Variants in ACTR8 observed in about 807,000 individuals in gnomAD.
ACTR8 encodes actin related protein 8, also known as actin-related protein 8.
Under a neutral mutation model 84.3 loss-of-function variants are expected in ACTR8, and 70 were observed. That is an observed-to-expected ratio of 0.83 (90% confidence interval 0.68 to 1.01). The LOEUF is 1.01. Among genes scored for constraint, ACTR8 ranks in the 50% least tolerant of loss-of-function variants. The probability of loss-of-function intolerance (pLI) is 0.00; values close to 1 mark genes in which losing one functional copy is unlikely to be tolerated. For missense variants in ACTR8, 672 were observed against 775.4 expected (o/e 0.87, Z 1.58); for synonymous variants, 268 against 275.2 (o/e 0.97, Z 0.26).
At chr3:53,865,356 T>C, downstream of ACTR8, 2 of 1,448,980 alleles carry the variant, frequency 1.4e-6, no homozygotes, top group East Asian at 2.3e-5. Context: ...ATCCCACCAA[T>C]TACAGGGAAA....
chr3:53,879,963 A>C lies in ACTR8; in HGVS notation c.270T>G (p.Ser90Arg). 1.2e-6 allele frequency: 2 copies of C among 1,613,574 alleles called. No individual in the cohort carries two copies. Among genetic ancestry groups the C allele is most frequent in the Non-Finnish European group, 1.7e-6 (2 of 1,179,582 alleles). The change falls in exon 2 of 13, where the codon AGT becomes AGG. Residue 90 changes from serine to arginine, a missense_variant. Ser to Arg is a moderately radical substitution (Grantham distance 110). Transcript: ENST00000335754. ...CATTTAGTCCCTCCCTTAGGAGCCA[A>C]CTGTCCTTGTATAGGGGCTGCCCTT... ...KQQGQPLYKDSWLLREGLNKP... is the reference protein window; with the variant it reads ...KQQGQPLYKDRWLLREGLNKP...
chr3:53,877,266 A>G lies in ACTR8; in HGVS notation c.632T>C (p.Ile211Thr). The change falls in exon 5 of 13, where the codon ATA becomes ACA. Residue 211 changes from isoleucine to threonine, a missense_variant. By Grantham distance (89) the Ile-to-Thr change is moderately conservative. Transcript: ENST00000335754. Reference protein sequence around the residue: ...LTAVLADIEVIWSHAIQKYLE... With the variant: ...LTAVLADIEVTWSHAIQKYLE... ...GTATTTTTGTATCGCATGAGACCAT[A>G]TTACTTCAATATCTGCCAGAACAGC... is the stretch of plus-strand genomic sequence containing the variant. The G allele has an allele frequency of 6.2e-7, 1 of 1,613,836 alleles. No homozygotes were observed. The highest frequency in any genetic ancestry group is 8.5e-7 in the Non-Finnish European group (1 of 1,179,920).
At position 53,874,015 on chromosome 3, in the gene ACTR8, G is replaced by A. The variant is rs188882066; in HGVS notation, c.1065+196C>T. On this transcript the variant is annotated intron_variant, in intron 8 of 12. Transcript: ENST00000335754. Reference sequence around the variant, plus strand: ...AATTTTTTGTATTTTTATTAGAGACGGAGTTTCACCGTGTTAGCCAGGATG... The same window carrying A: ...AATTTTTTGTATTTTTATTAGAGACAGAGTTTCACCGTGTTAGCCAGGATG... 2.2e-3 allele frequency among the ~76,000 whole-genome samples: 330 copies of A among 152,092 alleles called. 2 individuals carry two copies. The highest frequency in any genetic ancestry group is 3.9e-3 in the Non-Finnish European group (263 of 67,996).
chr3:53,865,872 AAACT>A (rs762575238), downstream of ACTR8: 1 of 152,258 alleles, frequency 6.6e-6, no homozygotes, highest in Non-Finnish European at 1.5e-5. Context: ...TTCCCTCTAC[AAACT>A]AGATTCATAT....
rs150243882 is a variant in ACTR8 at position 53,878,065 on chromosome 3, A to G, written c.405+292T>C. ...CATTCCTATCATATTGGTTTATCAT[A>G]TGAAATTGAAGAATGTAGTAAGAAC... On this transcript the variant is annotated intron_variant, in intron 3 of 12. Transcript: ENST00000335754. Among the ~76,000 whole-genome samples, 363 of 152,318 alleles carry G rather than the reference A, an allele frequency of 2.4e-3. 1 individual carries two copies. The highest frequency in any genetic ancestry group is 8.4e-3 in the African/African-American group (350 of 41,566).
At chr3:53,873,203 CCAT>C (rs1190894013) in intron 8 of ACTR8, 76 bp from the exon 9 acceptor site, 3 of 1,167,014 alleles carry the variant, frequency 2.6e-6, no homozygotes, top group African/African-American at 1.5e-5. Flanking sequence ...TTCAGCCTCA[CCAT>C]CATCTAAATA....
chr3:53,870,777 C>A lies in ACTR8; in HGVS notation c.1567+455G>T, dbSNP rs1576861097. Among the ~76,000 whole-genome samples the A allele has an allele frequency of 6.6e-6, 1 of 152,190 alleles. No homozygotes were observed. Among genetic ancestry groups the A allele is most frequent in the Admixed American group, 6.5e-5 (1 of 15,286 alleles). On this transcript the variant is annotated intron_variant, in intron 11 of 12. Transcript: ENST00000335754. The surrounding 1 kb of genome is among the most constrained non-coding windows in gnomAD (Gnocchi z 4.1). ...GGTCTTCACAGGCTTCTTCCTCTAC[C>A]CCATCTGTGACTGCTAACTGACCCC...
At chr3:53,869,661 A>ATT (rs1331950125) in intron 12 of ACTR8, among the ~76,000 whole-genome samples, 1 of 152,222 alleles carries the variant, frequency 6.6e-6, no homozygotes, top group Non-Finnish European at 1.5e-5. Context: ...TAATATAAAA[A>ATT]AGAGATTAAA....
downstream of ACTR8, chr3:53,864,753 CAAG>C: frequency 1.2e-6 from 2 of 1,605,020 alleles, no homozygotes; most frequent in Non-Finnish European, 1.7e-6. Context: ...CAGAAAGGAT[CAAG>C]AAGACTTCCT....
chr3:53,862,406 G>C (rs1373618910), downstream of ACTR8, among the ~76,000 whole-genome samples: 1 of 152,210 alleles, frequency 6.6e-6, no homozygotes, highest in Non-Finnish European at 1.5e-5. Flanking sequence ...CATTGTGACA[G>C]AGCAAGCCAT....
downstream of ACTR8, chr3:53,865,042 C>A (rs188917846): frequency 6.2e-7 from 1 of 1,614,184 alleles, no homozygotes; most frequent in South Asian, 1.1e-5. Context: ...CGAGGGCAGT[C>A]CCAGTGAGAA....
Position 53,877,262 on chromosome 3 carries a change from C to G in ACTR8, c.636G>C (p.Trp212Cys), listed in dbSNP as rs1487945719. 1 of 1,613,416 alleles carries G rather than the reference C, an allele frequency of 6.2e-7. No individual in the cohort carries two copies. Among genetic ancestry groups the G allele is most frequent in the African/African-American group, 1.3e-5 (1 of 74,876 alleles). Residue 212 changes from tryptophan to cysteine, a missense_variant, in exon 5 of 13, where the codon TGG (tryptophan) becomes TGC (cysteine). Transcript: ENST00000335754. ...TAVLADIEVI[W>C]SHAIQKYLEI... ...CCAAGTATTTTTGTATCGCATGAGA[C>G]CATATTACTTCAATATCTGCCAGAA...
At chr3:53,862,675 C>T (rs1212061805), downstream of ACTR8, among the ~76,000 whole-genome samples, 3 of 152,100 alleles carry the variant, frequency 2.0e-5, no homozygotes, top group African/African-American at 2.4e-5. Flanking sequence ...ATGATGAAGA[C>T]GACACAGAAG....
downstream of ACTR8, chr3:53,865,262 C>G (rs751960151): frequency 6.2e-7 from 1 of 1,611,160 alleles, no homozygotes; most frequent in East Asian, 2.2e-5. Flanking sequence ...CAGGTGTCAG[C>G]AGGAAAAAGA....
Position 53,879,982 on chromosome 3 carries a change from T to G in ACTR8, c.251A>C (p.Gln84Pro), listed in dbSNP as rs143916272. 1.2e-6 allele frequency: 2 copies of G among 1,614,096 alleles called. No homozygotes were observed. The highest frequency in any genetic ancestry group is 1.7e-6 in the Non-Finnish European group (2 of 1,180,024). Residue 84 changes from glutamine (Q) to proline (P), a missense_variant, in exon 2 of 13, where the codon CAG becomes CCG. Transcript: ENST00000335754. ...GAGCCAACTGTCCTTGTATAGGGGC[T>G]GCCCTTGTTGTTTGTGTCTTCGGGC... ...VIARRHKQQGQPLYKDSWLLR... is the reference protein window; with the variant it reads ...VIARRHKQQGPPLYKDSWLLR...
chr3:53,877,719 T>C lies in ACTR8; in HGVS notation c.438A>G (p.Ala146=), dbSNP rs748651186. The C allele has an allele frequency of 1.9e-6, 3 of 1,614,168 alleles. No individual in the cohort carries two copies. The highest frequency in any genetic ancestry group is 2.5e-6 in the Non-Finnish European group (3 of 1,180,006). Residue 146 remains alanine, a synonymous_variant, in exon 4 of 13, where the codon GCA becomes GCG. Coordinates refer to ENST00000335754, the MANE Select transcript of ACTR8 (RefSeq NM_022899.5). Reference sequence around the variant, plus strand: ...TATTTCCCGAACAGTGATCTAAAATTGCAGGTCGCATCTGCTTATTGTAGG... The same window carrying C: ...TATTTCCCGAACAGTGATCTAAAATCGCAGGTCGCATCTGCTTATTGTAGG... ...ARSYNKQMRP[A]ILDHCSGNKW... is the part of the protein sequence containing the mutation.
chr3:53,870,212 A>C lies in ACTR8; in HGVS notation c.1568-67T>G. The C allele has an allele frequency of 1.3e-6, 2 of 1,567,210 alleles. No individual in the cohort carries two copies. The highest frequency in any genetic ancestry group is 1.7e-6 in the Non-Finnish European group (2 of 1,150,100). On this transcript the variant is annotated intron_variant, in intron 11 of 12. Transcript: ENST00000335754. The surrounding 1 kb of genome is among the most constrained non-coding windows in gnomAD (Gnocchi z 4.1). Reference sequence around the variant, plus strand: ...TCCATAATTCTAGGCCAAGCCACCAACACCTCTTGCTTGAGCAAGTGCAAT... The same window carrying C: ...TCCATAATTCTAGGCCAAGCCACCACCACCTCTTGCTTGAGCAAGTGCAAT...
At chr3:53,877,178 T>C (rs1699988614) in intron 5 of ACTR8, 36 bp downstream of exon 5, 5 of 1,551,746 alleles carry the variant, frequency 3.2e-6, no homozygotes, top group East Asian at 2.3e-5. Context: ...CCAAGAATCT[T>C]AAAAACAATC....
chr3:53,878,714 C>T (rs1051348538), intron 2 of ACTR8, among the ~76,000 whole-genome samples: 9 of 152,154 alleles, frequency 5.9e-5, no homozygotes, highest in Non-Finnish European at 1.3e-4. Flanking sequence ...GTCCCAGCTA[C>T]TTGGGAGACT....
Sources: allele counts gnomAD v4.1 joint callset (sites outside exome capture counted in the v4.1 genomes callset), GRCh38; gene constraint gnomAD v4.1.1; non-coding constraint Gnocchi (gnomAD v3.1); transcripts MANE v1.5; gene names NCBI Gene and HGNC (gene_info 2026-07-23, HGNC 2026-07-21).